The following EGFR variants were observed in gnomAD, a reference collection of about 807,000 sequenced individuals.
EGFR encodes the protein avian erythroblastic leukemia viral (v-erb-b) oncogene homolog.
Under a neutral mutation model 143.0 loss-of-function variants are expected in EGFR, and 58 were observed. That is an observed-to-expected ratio of 0.41 (90% CI 0.33 to 0.50). The LOEUF (loss-of-function observed/expected upper bound fraction) is 0.50. EGFR is among the 20% of genes least tolerant of loss of function. The pLI, the probability that EGFR is intolerant of heterozygous loss-of-function variation, is 0.39. For missense variants in EGFR, 1,307 were observed against 1,579.0 expected, an observed-to-expected ratio of 0.83 and a Z score of 2.92; for synonymous variants, 613 against 594.4, an observed-to-expected ratio of 1.03 and a Z score of -0.45.
chr7:55,208,964 G>C lies in EGFR; in HGVS notation c.*3347G>C, dbSNP rs142217575. On this transcript the variant is annotated 3_prime_UTR_variant, in exon 28 of 28. Coordinates refer to ENST00000275493, the MANE Select transcript of EGFR (RefSeq NM_005228.5). Reference sequence around the variant, plus strand: ...AGTTTCTAGAACCTCTGGCCTAAAGGAAGGGCCTGGTGGGATCTACTTGGC... The same window carrying C: ...AGTTTCTAGAACCTCTGGCCTAAAGCAAGGGCCTGGTGGGATCTACTTGGC... 4.1e-3 allele frequency: 627 copies of C among 152,256 alleles called. 5 individuals carry two copies. Among genetic ancestry groups the C allele is most frequent in the Non-Finnish European group, 4.8e-3 (329 of 68,042 alleles). The allele number at this position is 152,256 out of a possible 1,614,324, so 9.4% of individuals were successfully genotyped here.
chr7:55,205,307 C>T lies in EGFR; in HGVS notation c.3323C>T (p.Pro1108Leu), dbSNP rs2128975161. The T allele has an allele frequency of 6.2e-7, 1 of 1,612,550 alleles. No homozygotes were observed. The highest frequency in any genetic ancestry group is 1.3e-5 in the African/African-American group (1 of 75,008). The part of the protein sequence containing the change: ...PKRPAGSVQN[P>L]VYHNQPLNPA... ...AGGCCCGCTGGCTCTGTGCAGAATC[C>T]TGTCTATCACAATCAGCCTCTGAAC... Residue 1108 changes from proline (P) to leucine (L), a missense_variant, in exon 28 of 28, where the codon CCT becomes CTT. By Grantham distance (98) the Pro-to-Leu change is moderately conservative. Transcript: ENST00000275493.
intron 1 of EGFR, among the ~76,000 whole-genome samples, chr7:55,114,944 C>G (rs1172925663): frequency 7.1e-6 from 1 of 139,918 alleles, no homozygotes; most frequent in Non-Finnish European, 1.5e-5. Flanking sequence ...TGCAATGGTG[C>G]GATCTCTGCT....
chr7:55,165,323 C>T lies in EGFR; in HGVS notation c.1766C>T (p.Pro589Leu), dbSNP rs751570775. The T allele has an allele frequency of 1.9e-6, 3 of 1,614,050 alleles. No individual in the cohort carries two copies. The highest frequency in any genetic ancestry group is 2.5e-6 in the Non-Finnish European group (3 of 1,180,050). Residue 589 changes from proline (P) to leucine (L), a missense_variant, in exon 15 of 28, where the codon CCC (proline) becomes CTC (leucine). Physicochemically the swap from Pro to Leu is moderately conservative, Grantham distance 98 (BLOSUM62 -3). Coordinates refer to ENST00000275493, the MANE Select transcript of EGFR (RefSeq NM_005228.5). ...CAGTGTGCCCACTACATTGACGGCCCCCACTGCGTCAAGACCTGCCCGGCA... is the reference window on the plus strand; with the variant it reads ...CAGTGTGCCCACTACATTGACGGCCTCCACTGCGTCAAGACCTGCCCGGCA... Reference protein sequence around the residue: ...CIQCAHYIDGPHCVKTCPAGV... With the variant: ...CIQCAHYIDGLHCVKTCPAGV...
In EGFR at chr7:55,205,470, C is replaced by A. The variant is rs766347941; in HGVS notation, c.3486C>A (p.Ser1162Arg). 1 of 1,614,168 alleles carries A rather than the reference C, an allele frequency of 6.2e-7. No individual in the cohort carries two copies. Among genetic ancestry groups the A allele is most frequent in the Non-Finnish European group, 8.5e-7 (1 of 1,180,034 alleles). ...DSPAHWAQKG[S>R]HQISLDNPDY... ...CTGCCCACTGGGCCCAGAAAGGCAG[C>A]CACCAAATTAGCCTGGACAACCCTG... is the stretch of plus-strand genomic sequence containing the variant. Residue 1162 changes from serine (S) to arginine (R), a missense_variant, in exon 28 of 28, where the codon AGC (serine) becomes AGA (arginine). By Grantham distance (110) the Ser-to-Arg change is moderately radical. This residue lies in a region of EGFR where 313 missense variants were observed against 312.3 expected (regional missense o/e 1.00). Transcript: ENST00000275493.
chr7:55,131,585 G>A (rs951738062), intron 1 of EGFR, among the ~76,000 whole-genome samples: 1 of 152,162 alleles, frequency 6.6e-6, no homozygotes, highest in African/African-American at 2.4e-5. Context: ...CAGGCGGGGC[G>A]GCTTGGGCCC....
chr7:55,120,594 T>C (rs1320714385), intron 1 of EGFR, among the ~76,000 whole-genome samples: 1 of 152,172 alleles, frequency 6.6e-6, no homozygotes, highest in African/African-American at 2.4e-5. Flanking sequence ...TCTATCCCCC[T>C]TCCTAGACTG....
At chr7:55,093,616 C>A (rs879393970) in intron 1 of EGFR, among the ~76,000 whole-genome samples, 3 of 152,150 alleles carry the variant, frequency 2.0e-5, no homozygotes, top group Non-Finnish European at 4.4e-5. Flanking sequence ...TAGAAATGGT[C>A]ATTTCTGTTC....
chr7:55,147,492 TG>T (rs1243251772), intron 4 of EGFR, among the ~76,000 whole-genome samples: 16 of 147,440 alleles, frequency 1.1e-4, no homozygotes, highest in Non-Finnish European at 2.1e-4. Flanking sequence ...GATGCCTGTT[TG>T]TTTTCTGCCC....
chr7:55,158,361 G>A (rs1311261499), intron 11 of EGFR, among the ~76,000 whole-genome samples: 1 of 152,128 alleles, frequency 6.6e-6, no homozygotes, highest in Non-Finnish European at 1.5e-5. Flanking sequence ...ACCCGCCTTG[G>A]AAGCAGCCTC....
At chr7:55,049,775 AGAG>A (rs1330298515) in intron 1 of EGFR, among the ~76,000 whole-genome samples, 1 of 152,216 alleles carries the variant, frequency 6.6e-6, no homozygotes, top group Non-Finnish European at 1.5e-5. Flanking sequence ...CCCCAAGATC[AGAG>A]GAGCACAAAT....
chr7:55,160,232 A>G lies in EGFR; in HGVS notation c.1392A>G (p.Ser464=), dbSNP rs1215223916. 6.2e-7 allele frequency: 1 copy of G among 1,614,210 alleles called. No individual in the cohort carries two copies. The highest frequency in any genetic ancestry group is 1.1e-5 in the South Asian group (1 of 91,088). The change falls in exon 12 of 28, where the codon TCA becomes TCG. Residue 464 remains serine, a synonymous_variant. Coordinates refer to ENST00000275493, the MANE Select transcript of EGFR (RefSeq NM_005228.5). ...TAAGTGATGGAGATGTGATAATTTCAGGAAACAAAAATTTGTGCTATGCAA... is the reference window on the plus strand; with the variant it reads ...TAAGTGATGGAGATGTGATAATTTCGGGAAACAAAAATTTGTGCTATGCAA... The part of the protein sequence containing the change: ...KEISDGDVII[S]GNKNLCYANT...
intron 2 of EGFR, 58 bp from the exon 3 acceptor site, chr7:55,143,247 C>A (rs1266251746): frequency 1.2e-6 from 2 of 1,604,020 alleles, no homozygotes; most frequent in African/African-American, 2.7e-5. Flanking sequence ...CCATTTTAGA[C>A]CTTGAGTTCT....
At chr7:55,057,874 T>C (rs933242285) in intron 1 of EGFR, among the ~76,000 whole-genome samples, 11 of 152,232 alleles carry the variant, frequency 7.2e-5, no homozygotes, top group African/African-American at 2.7e-4. Flanking sequence ...GTGAGATCTG[T>C]GACACTGAAG....
rs375173481 is a variant in EGFR, at chr7:55,156,524, T to C, written c.1007-9T>C. On this transcript the variant is annotated splice_polypyrimidine_tract_variant and intron_variant, in intron 8 of 27. Coordinates refer to ENST00000275493, the MANE Select transcript of EGFR (RefSeq NM_005228.5). ...GTGAACGGAATACACGTCTCTCTTA[T>C]CTCTGCAGTGTGTAACGGAATAGGT... 53 of 1,614,172 alleles carry C rather than the reference T, an allele frequency of 3.3e-5. No homozygotes were observed. Among genetic ancestry groups the C allele is most frequent in the South Asian group, 6.6e-5 (6 of 91,072 alleles).
At chr7:55,095,842 TAC>T (rs1000365661) in intron 1 of EGFR, among the ~76,000 whole-genome samples, 1 of 140,132 alleles carries the variant, frequency 7.1e-6, no homozygotes, top group African/African-American at 2.8e-5. Flanking sequence ...CCCACAGGGA[TAC>T]ACACAGACAC....
chr7:55,091,585 A>C (rs185764021), intron 1 of EGFR, among the ~76,000 whole-genome samples: 1 of 152,184 alleles, frequency 6.6e-6, no homozygotes, highest in Non-Finnish European at 1.5e-5. Context: ...GAGTTGAATA[A>C]GTTGAGAAAT....
chr7:55,142,655 T>C (rs1435801056), intron 2 of EGFR, among the ~76,000 whole-genome samples: 1 of 152,234 alleles, frequency 6.6e-6, no homozygotes, highest in African/African-American at 2.4e-5. Context: ...AATCTGGAGT[T>C]CCATGTCATC....
At chr7:55,077,193 G>A (rs895557093) in intron 1 of EGFR, among the ~76,000 whole-genome samples, 19 of 152,108 alleles carry the variant, frequency 1.2e-4, no homozygotes, top group African/African-American at 4.6e-4. Flanking sequence ...TGTAAGCCTA[G>A]CAGAAAATAT....
intron 1 of EGFR, among the ~76,000 whole-genome samples, chr7:55,130,417 A>T (rs1793765061): frequency 1.3e-5 from 2 of 152,130 alleles, no homozygotes; most frequent in South Asian, 4.1e-4. Context: ...TTAACTTGGT[A>T]GTTGTTAGTG....
Sources: gnomAD v4.1 joint callset for allele counts (sites outside exome capture counted in the v4.1 genomes callset) on GRCh38, gnomAD v4.1.1 for gene constraint, gnomAD v4.1.1 regional missense constraint, MANE v1.5 for transcripts, NCBI Gene and HGNC (gene_info 2026-07-23, HGNC 2026-07-21) for gene names.